EYS: variants seen among roughly 807,000 people sequenced by gnomAD.
EYS encodes EGF-like photoreceptor maintenance factor, also known as protein eyes shut homolog.
EYS carries 250 observed loss-of-function variants against 282.1 expected under a neutral mutation model. The ratio of observed to expected loss-of-function variants is 0.89; its 90% CI spans 0.80 to 0.98. The LOEUF (loss-of-function observed/expected upper bound fraction) is 0.98, where lower values mean the gene tolerates loss of function less well. Ranked by LOEUF, EYS falls within the 50% of genes least tolerant of loss-of-function variation. The probability of loss-of-function intolerance (pLI) is 0.00; values close to 1 mark genes in which losing one functional copy is unlikely to be tolerated. For synonymous variants in EYS, 1,355 were observed against 1,282.9 expected, an observed-to-expected ratio of 1.06 and a Z score of -1.20; for missense variants, 4,016 against 3,709.0, an observed-to-expected ratio of 1.08 and a Z score of -2.15.
chr6:64,793,895 AAC>A (rs1267693174), intron 22 of EYS, among the ~76,000 whole-genome samples: 1 of 152,106 alleles, frequency 6.6e-6, no homozygotes, highest in African/African-American at 2.4e-5. Context: ...TAAAGCACAC[AAC>A]ACAATATTTT....
intron 12 of EYS, among the ~76,000 whole-genome samples, chr6:65,252,937 G>A (rs1218747629): frequency 2.0e-5 from 3 of 151,910 alleles, no homozygotes; most frequent in Admixed American, 6.6e-5. Flanking sequence ...TGAAAAAAGT[G>A]AAGAGAGCCT....
chr6:63,854,747 TTTGAAATCAGTTAC>T (rs1360504280), intron 36 of EYS, among the ~76,000 whole-genome samples: 4 of 152,198 alleles, frequency 2.6e-5, no homozygotes. Flanking sequence ...TTAACCATAA[TTTGAAATCAGTTAC>T]TTGAAATCAG....
Position 64,996,663 on chromosome 6 carries a change from G to A in EYS, c.2259+919C>T, listed in dbSNP as rs150896059. ...TAACTCTGTTTCTGGTCATGGATATGTAAATGCGAGTTACAGTTATTCCAT... is the reference window on the plus strand; with the variant it reads ...TAACTCTGTTTCTGGTCATGGATATATAAATGCGAGTTACAGTTATTCCAT... On this transcript the variant is annotated intron_variant, in intron 14 of 42. Transcript: ENST00000503581. 5.2e-3 allele frequency among the ~76,000 whole-genome samples: 785 copies of A among 152,294 alleles called. 11 individuals carry two copies. Among genetic ancestry groups the A allele is most frequent in the African/African-American group, 0.018 (748 of 41,566 alleles).
At chr6:64,275,319 G>A (rs546986307) in intron 30 of EYS, among the ~76,000 whole-genome samples, 8 of 152,152 alleles carry the variant, frequency 5.3e-5, no homozygotes, top group Admixed American at 3.3e-4. Flanking sequence ...GCTGGGTGGT[G>A]GAGTATGCAT....
At position 64,647,804 on chromosome 6, in the gene EYS, T is replaced by C. The variant is rs78575832; in HGVS notation, c.3444-21559A>G. Among the ~76,000 whole-genome samples the C allele has an allele frequency of 6.9e-3, 1,055 of 152,330 alleles. 12 individuals carry two copies. The highest frequency in any genetic ancestry group is 0.024 in the African/African-American group (1,003 of 41,574). On this transcript the variant is annotated intron_variant, in intron 22 of 42. Transcript: ENST00000503581. ...TTGTTATTCTTTATTGGCAAAATTG[T>C]TCAACCGACTCCTTATAGGTAGGAA...
At chr6:64,941,764 T>A (rs979373441) in intron 15 of EYS, among the ~76,000 whole-genome samples, 2 of 152,132 alleles carry the variant, frequency 1.3e-5, no homozygotes, top group African/African-American at 4.8e-5. Context: ...TCAAGCTACA[T>A]CCATGTTGCT....
intron 7 of EYS, among the ~76,000 whole-genome samples, chr6:65,393,302 C>T (rs1029431448): frequency 6.6e-6 from 1 of 152,006 alleles, no homozygotes; most frequent in African/African-American, 2.4e-5. Context: ...TGCACATGTA[C>T]CCTAAAACTT....
chr6:65,130,598 A>G (rs1775841723), intron 12 of EYS, among the ~76,000 whole-genome samples: 1 of 151,820 alleles, frequency 6.6e-6, no homozygotes, highest in Non-Finnish European at 1.5e-5. Context: ...GGAGCTAAAT[A>G]ATGAGAACAG....
At chr6:64,815,284 A>C in intron 21 of EYS, 2 of 403,376 alleles carry the variant, frequency 5.0e-6, no homozygotes, top group South Asian at 3.6e-5. Flanking sequence ...TAGGTATTGC[A>C]GTTTTATTTA....
intron 26 of EYS, among the ~76,000 whole-genome samples, chr6:64,560,987 T>G (rs1353935464): frequency 1.3e-5 from 2 of 152,086 alleles, no homozygotes; most frequent in African/African-American, 2.4e-5. Flanking sequence ...AAAAGTTAAT[T>G]CAACATGATC....
intron 2 of EYS, among the ~76,000 whole-genome samples, chr6:65,568,774 C>T (rs911782741): frequency 2.0e-5 from 3 of 152,114 alleles, no homozygotes; most frequent in Non-Finnish European, 2.9e-5. Flanking sequence ...ACAAAAGTTA[C>T]TCATGACTTA....
rs138968503 is a variant in EYS, at chr6:65,104,362, T to A, written c.2024-46635A>T. Among the ~76,000 whole-genome samples the A allele has an allele frequency of 1.0e-3, 152 of 151,608 alleles. 1 individual carries two copies. Among genetic ancestry groups the A allele is most frequent in the Middle Eastern group, 3.4e-3 (1 of 294 alleles). ...AATAAAATATCAATTACTGACACATTTTAATTTACATCTTTCACATACCAT... is the reference window on the plus strand; with the variant it reads ...AATAAAATATCAATTACTGACACATATTAATTTACATCTTTCACATACCAT... On this transcript the variant is annotated intron_variant, in intron 12 of 42. Coordinates refer to ENST00000503581, the MANE Select transcript of EYS (RefSeq NM_001142800.2).
chr6:65,116,815 CA>C (rs1401970197), intron 12 of EYS, among the ~76,000 whole-genome samples: 1 of 152,040 alleles, frequency 6.6e-6, no homozygotes, highest in Non-Finnish European at 1.5e-5. Context: ...ACAAAAATGA[CA>C]GTTACATTTA....
chr6:65,201,120 C>T (rs999448213), intron 12 of EYS, among the ~76,000 whole-genome samples: 1 of 152,046 alleles, frequency 6.6e-6, no homozygotes, highest in Non-Finnish European at 1.5e-5. Flanking sequence ...TAAGACCACA[C>T]CTGAGCCTAA....
At chr6:64,031,595 G>T (rs1002281331) in intron 33 of EYS, among the ~76,000 whole-genome samples, 1 of 152,246 alleles carries the variant, frequency 6.6e-6, no homozygotes, top group Non-Finnish European at 1.5e-5. Flanking sequence ...CCTGAGTCTG[G>T]TGGGGACTTG....
intron 33 of EYS, among the ~76,000 whole-genome samples, chr6:64,010,745 T>A (rs561291996): frequency 6.6e-6 from 1 of 152,318 alleles, no homozygotes; most frequent in South Asian, 2.1e-4. Flanking sequence ...ACGTACCTGA[T>A]CTTTTGACAC....
At chr6:64,312,714 C>T (rs1414242536) in intron 29 of EYS, among the ~76,000 whole-genome samples, 1 of 152,202 alleles carries the variant, frequency 6.6e-6, no homozygotes, top group Non-Finnish European at 1.5e-5. Flanking sequence ...GTTCTGCAGC[C>T]TCTGCTGGTG....
At chr6:64,651,424 T>C (rs1256870415) in intron 22 of EYS, among the ~76,000 whole-genome samples, 1 of 152,104 alleles carries the variant, frequency 6.6e-6, no homozygotes, top group South Asian at 2.1e-4. Flanking sequence ...AGTAGATTCA[T>C]GGGAATAATC....
At chr6:64,660,060 T>A (rs956311598) in intron 22 of EYS, among the ~76,000 whole-genome samples, 2 of 152,166 alleles carry the variant, frequency 1.3e-5, no homozygotes, top group African/African-American at 4.8e-5. Flanking sequence ...GCTTCATCCC[T>A]GGGATGCAAG....
Sources: allele counts gnomAD v4.1 joint callset (sites outside exome capture counted in the v4.1 genomes callset), GRCh38; gene constraint gnomAD v4.1.1; transcripts MANE v1.5; gene names NCBI Gene and HGNC (gene_info 2026-07-23, HGNC 2026-07-21).